VPS13D: variants seen among roughly 807,000 people sequenced by gnomAD.
VPS13D encodes the protein intermembrane lipid transfer protein VPS13D.
In VPS13D, 187 loss-of-function variants were observed where a neutral mutation model predicts 461.9. That is an observed-to-expected ratio of 0.40 (90% CI 0.36 to 0.46). VPS13D has a LOEUF of 0.46. VPS13D is among the 20% of genes least tolerant of loss of function. VPS13D has a pLI of 0.60. For missense variants in VPS13D, 4,711 were observed against 5,364.9 expected (o/e 0.88, Z 3.81); for synonymous variants, 1,951 against 1,986.3 (o/e 0.98, Z 0.47).
intron 67 of VPS13D, among the ~76,000 whole-genome samples, chr1:12,475,818 G>A (rs980509550): frequency 3.3e-5 from 5 of 151,944 alleles, no homozygotes; most frequent in African/African-American, 9.7e-5. Context: ...ACCACTTCCC[G>A]CATGCTCAGT....
At chr1:12,320,683 G>T (rs146466993) in intron 32 of VPS13D, among the ~76,000 whole-genome samples, 2,985 of 152,276 alleles carry the variant, frequency 0.02, 130 homozygotes, top group Admixed American at 0.11. Context: ...CACAATACTA[G>T]CTTTGAATGG....
intron 13 of VPS13D, 98 bp downstream of exon 13, chr1:12,262,178 C>T: frequency 7.3e-7 from 1 of 1,366,138 alleles, no homozygotes; most frequent in Non-Finnish European, 9.8e-7. Flanking sequence ...TCTAGAAAGT[C>T]AGTGCGAAAA....
At chr1:12,322,186 C>A (rs565137638) in intron 33 of VPS13D, among the ~76,000 whole-genome samples, 153 of 152,326 alleles carry the variant, frequency 1.0e-3, no homozygotes, top group African/African-American at 3.5e-3. Context: ...CTGCCTCAGC[C>A]TCCTGAGTAG....
intron 59 of VPS13D, 110 bp downstream of exon 59, chr1:12,385,483 A>G (rs1451819092): frequency 1.2e-6 from 1 of 839,086 alleles, no homozygotes; most frequent in Non-Finnish European, 1.8e-6. Context: ...GATTCTAAAT[A>G]TGAGTTACGC....
chr1:12,497,446 TCATTTTAAC>T, intron 67 of VPS13D, 45 bp from the exon 68 acceptor site: 2 of 1,554,410 alleles, frequency 1.3e-6, no homozygotes, highest in Non-Finnish European at 8.7e-7. Flanking sequence ...GAAAGGAAAA[TCATTTTAAC>T]CTGCACACTT....
chr1:12,324,007 C>G (rs529942336), intron 35 of VPS13D, among the ~76,000 whole-genome samples: 2 of 152,284 alleles, frequency 1.3e-5, no homozygotes, highest in South Asian at 4.2e-4. Context: ...CTCCCCAGTT[C>G]AAGCCATTCT....
At chr1:12,235,369 G>A (rs778840093) in intron 2 of VPS13D, among the ~76,000 whole-genome samples, 1 of 152,156 alleles carries the variant, frequency 6.6e-6, no homozygotes, top group Non-Finnish European at 1.5e-5. Flanking sequence ...ACGAGGTCAG[G>A]AGTTTGAGAC....
chr1:12,448,720 A>G (rs1340617818), intron 65 of VPS13D, among the ~76,000 whole-genome samples: 2 of 152,206 alleles, frequency 1.3e-5, no homozygotes, highest in Non-Finnish European at 2.9e-5. Flanking sequence ...TCTTGATTCT[A>G]CCTGTGTACA....
intron 60 of VPS13D, among the ~76,000 whole-genome samples, chr1:12,390,369 C>T (rs1204161656): frequency 6.6e-6 from 1 of 152,174 alleles, no homozygotes; most frequent in Admixed American, 6.5e-5. Flanking sequence ...GGCCATTTCA[C>T]CATTCTATCA....
At chr1:12,336,488 A>G (rs1643453979) in intron 39 of VPS13D, 1 of 152,212 alleles carries the variant, frequency 6.6e-6, no homozygotes, top group Non-Finnish European at 1.5e-5. Flanking sequence ...AGCCATTGTC[A>G]TCCAAATTCA....
At chr1:12,361,798 T>C (rs1054391682) in intron 50 of VPS13D, among the ~76,000 whole-genome samples, 3 of 152,230 alleles carry the variant, frequency 2.0e-5, no homozygotes, top group African/African-American at 7.2e-5. Flanking sequence ...GACTGTTTTC[T>C]TATTTTTTCC....
chr1:12,439,302 C>T (rs1282479245), intron 65 of VPS13D, among the ~76,000 whole-genome samples: 1 of 152,146 alleles, frequency 6.6e-6, no homozygotes, highest in Non-Finnish European at 1.5e-5. Context: ...AACCCTCTGC[C>T]TTCAAACGTC....
intron 67 of VPS13D, among the ~76,000 whole-genome samples, chr1:12,487,364 A>C (rs1389034567): frequency 3.9e-5 from 6 of 152,074 alleles, no homozygotes; most frequent in African/African-American, 9.7e-5. Context: ...AATCCCCAGC[A>C]CTTTGGGAGG....
At chr1:12,436,957 C>T (rs1035491531) in intron 65 of VPS13D, among the ~76,000 whole-genome samples, 10 of 152,176 alleles carry the variant, frequency 6.6e-5, no homozygotes, top group East Asian at 1.9e-4. Flanking sequence ...CGTGAGCCAC[C>T]GCTCCTGGCC....
Position 12,473,147 on chromosome 1 carries a change from C to T in VPS13D, c.12662+12751C>T, listed in dbSNP as rs1239615513. ...GGCCAGCAGCTGGGGAGCGACTGTA[C>T]TTAGATCCTGGGTGCTGATGGGTGT... On this transcript the variant is annotated intron_variant, in intron 67 of 69. Coordinates refer to ENST00000620676, the MANE Select transcript of VPS13D (RefSeq NM_015378.4). The surrounding 1 kb of genome is among the most constrained non-coding windows in gnomAD (Gnocchi z 4.2). Among the ~76,000 whole-genome samples the T allele has an allele frequency of 6.6e-6, 1 of 152,202 alleles. No individual in the cohort carries two copies.
intron 27 of VPS13D, among the ~76,000 whole-genome samples, chr1:12,310,797 C>G (rs373687153): frequency 1.7e-5 from 2 of 114,554 alleles, no homozygotes; most frequent in East Asian, 4.8e-4. Context: ...CCTTCCTTCC[C>G]TCCCTCCCTC....
At chr1:12,259,205 A>AT (rs1427081755) in intron 10 of VPS13D, among the ~76,000 whole-genome samples, 1 of 151,222 alleles carries the variant, frequency 6.6e-6, no homozygotes, top group Non-Finnish European at 1.5e-5. Flanking sequence ...CAACTGTCTA[A>AT]TTTTTTAATT....
chr1:12,284,878 C>T (rs538902803), intron 21 of VPS13D, among the ~76,000 whole-genome samples: 45 of 152,272 alleles, frequency 3.0e-4, no homozygotes, highest in South Asian at 1.9e-3. Flanking sequence ...TGCAGTACTC[C>T]GAGGCCTCTG....
intron 63 of VPS13D, chr1:12,409,931 C>G: frequency 2.2e-6 from 1 of 455,930 alleles, no homozygotes; most frequent in Non-Finnish European, 4.4e-6. Flanking sequence ...ATTCTTGAGA[C>G]TTTTTCTGAT....
Sources: gnomAD v4.1 joint callset for allele counts (sites outside exome capture counted in the v4.1 genomes callset) on GRCh38, gnomAD v4.1.1 for gene constraint, Gnocchi (gnomAD v3.1) non-coding constraint, MANE v1.5 for transcripts, NCBI Gene and HGNC (gene_info 2026-07-23, HGNC 2026-07-21) for gene names.